The following PLA2G4C variants were observed in gnomAD, a reference collection of about 807,000 sequenced individuals.
The protein encoded by PLA2G4C is cytosolic phospholipase A2 gamma.
Under a neutral mutation model 73.8 loss-of-function variants are expected in PLA2G4C, and 64 were observed. The observed-to-expected ratio is 0.87, with a 90% confidence interval of 0.71 to 1.07. PLA2G4C has a LOEUF of 1.07. Among genes scored for constraint, PLA2G4C ranks in the 50% least tolerant of loss-of-function variants. PLA2G4C has a pLI of 0.00. For synonymous variants in PLA2G4C, 254 were observed against 252.1 expected (o/e 1.01, Z -0.07); for missense variants, 622 against 665.4 (o/e 0.93, Z 0.72).
chr19:48,066,377 C>T (rs1353369721), intron 13 of PLA2G4C, among the ~76,000 whole-genome samples: 2 of 152,134 alleles, frequency 1.3e-5, no homozygotes, highest in African/African-American at 4.8e-5. Context: ...AAACACTCAT[C>T]GCCATGATCC....
intron 11 of PLA2G4C, 138 bp from the exon 12 acceptor site, chr19:48,075,012 TC>T: frequency 3.5e-6 from 2 of 566,486 alleles, no homozygotes; most frequent in Non-Finnish European, 6.2e-6. Context: ...TGACCCTCTC[TC>T]CCCTTGCCTT....
chr19:48,097,994 C>T, intron 6 of PLA2G4C, 145 bp downstream of exon 6: 1 of 845,546 alleles, frequency 1.2e-6, no homozygotes, highest in Non-Finnish European at 1.8e-6. Flanking sequence ...CTTCTCTCGT[C>T]TAAGCTGAGC....
chr19:48,052,850 C>T, intron 16 of PLA2G4C, 147 bp downstream of exon 16: 1 of 764,572 alleles, frequency 1.3e-6, no homozygotes, highest in Admixed American at 2.7e-5. Context: ...CATGGTCTGT[C>T]CCCTGCTGAG....
At position 48,055,037 on chromosome 19, in the gene PLA2G4C, T is replaced by C. The variant is rs1448819908; in HGVS notation, c.1270A>G (p.Thr424Ala). 1 of 1,608,444 alleles carries C rather than the reference T, an allele frequency of 6.2e-7. No homozygotes were observed. Among genetic ancestry groups the C allele is most frequent in the East Asian group, 2.2e-5 (1 of 44,814 alleles). Residue 424 changes from threonine (T) to alanine (A), a missense_variant, in exon 15 of 17, where the codon ACC becomes GCC. By Grantham distance (58) the Thr-to-Ala change is moderately conservative. Coordinates refer to ENST00000599921, the MANE Select transcript of PLA2G4C (RefSeq NM_003706.3). ...TTGTGGCGGCGGCAGTAGTCAGTGG[T>C]AGCCCGGATGGTCTGAGAAGGAGGC... ...AGDPFETIRA[T>A]TDYCRRHKIP...
At chr19:48,050,513 C>A (rs1396729064) in intron 16 of PLA2G4C, among the ~76,000 whole-genome samples, 1 of 152,014 alleles carries the variant, frequency 6.6e-6, no homozygotes, top group Non-Finnish European at 1.5e-5. Flanking sequence ...AGCTACTTCC[C>A]TGCTCAAAAC....
At chr19:48,101,026 G>T (rs956317522) in intron 4 of PLA2G4C, among the ~76,000 whole-genome samples, 2 of 147,664 alleles carry the variant, frequency 1.4e-5, no homozygotes, top group African/African-American at 4.9e-5. Flanking sequence ...TCACAGTTCT[G>T]CAGGCTGTAC....
At chr19:48,074,709 G>T (rs547384851) in intron 12 of PLA2G4C, 58 bp downstream of exon 12, 6 of 1,157,760 alleles carry the variant, frequency 5.2e-6, no homozygotes, top group Non-Finnish European at 7.9e-6. Flanking sequence ...AGAGCAAGAG[G>T]GGGGAGAAGG....
At chr19:48,049,874 C>A (rs1031957072) in intron 16 of PLA2G4C, among the ~76,000 whole-genome samples, 8 of 152,138 alleles carry the variant, frequency 5.3e-5, no homozygotes, top group African/African-American at 1.9e-4. Context: ...GGACTTCCAG[C>A]CTCCAGAACT....
Position 48,105,938 on chromosome 19 carries a change from C to CTTTCTTT in PLA2G4C, c.9-495_9-494insAAAGAAA, listed in dbSNP as rs1251401429. Among the ~76,000 whole-genome samples the CTTTCTTT allele has an allele frequency of 8.2e-5, 3 of 36,694 alleles. 1 individual carries two copies. The highest frequency in any genetic ancestry group is 8.1e-4 in the Admixed American group (3 of 3,708). The allele number at this position is 36,694 out of a possible 152,430, so 24.1% of individuals were successfully genotyped here. On this transcript the variant is annotated intron_variant, in intron 2 of 16. Coordinates refer to ENST00000599921, the MANE Select transcript of PLA2G4C (RefSeq NM_003706.3). ...CCCTCCCTCCCTCCCTCCCTCCCTC[C>CTTTCTTT]CTCCCTCCCTTCTTTCTTTCTTTCT...
chr19:48,110,359 T>TAA (rs2032431193), intron 1 of PLA2G4C, 128 bp downstream of exon 1: 2 of 594,594 alleles, frequency 3.4e-6, no homozygotes, highest in Non-Finnish European at 5.1e-6. Flanking sequence ...AAAAAATAAA[T>TAA]AAATAAATAA....
intron 12 of PLA2G4C, 53 bp downstream of exon 12, chr19:48,074,714 A>T: frequency 8.2e-7 from 1 of 1,212,910 alleles, no homozygotes; most frequent in East Asian, 2.3e-5. Context: ...AAGAGGGGGG[A>T]GAAGGTTGGT....
intron 8 of PLA2G4C, among the ~76,000 whole-genome samples, chr19:48,089,289 C>A (rs1441299187): frequency 6.6e-6 from 1 of 152,018 alleles, no homozygotes; most frequent in African/African-American, 2.4e-5. Flanking sequence ...TAGCCAGGCA[C>A]GGTGGTGCGC....
At chr19:48,101,124 ATAT>A (rs1321340254) in intron 4 of PLA2G4C, among the ~76,000 whole-genome samples, 751 of 59,418 alleles carry the variant, frequency 0.013, 2 homozygotes, top group East Asian at 0.043. Flanking sequence ...ATATATATAT[ATAT>A]TTTTTTTTTT....
chr19:48,078,972 G>A (rs113164369), intron 10 of PLA2G4C, among the ~76,000 whole-genome samples: 6 of 151,160 alleles, frequency 4.0e-5, no homozygotes, highest in African/African-American at 1.5e-4. Flanking sequence ...AAGTTCAAGC[G>A]ATTCTCCTGT....
chr19:48,050,279 C>G (rs1053076328), intron 16 of PLA2G4C, among the ~76,000 whole-genome samples: 9 of 152,128 alleles, frequency 5.9e-5, no homozygotes, highest in Non-Finnish European at 1.0e-4. Context: ...CATTAGAAGA[C>G]AGATGAGCAG....
At chr19:48,097,778 T>C (rs2031676697) in intron 6 of PLA2G4C, 1 of 187,918 alleles carries the variant, frequency 5.3e-6, no homozygotes, top group Non-Finnish European at 1.1e-5. Context: ...TTTTGTTTTG[T>C]TTTGTTTTTT....
chr19:48,052,243 CAGAG>C (rs1967755355), intron 16 of PLA2G4C: 1 of 152,186 alleles, frequency 6.6e-6, no homozygotes, highest in African/African-American at 2.4e-5. Context: ...TTTCCTTTCA[CAGAG>C]ATATGGTTTG....
chr19:48,105,455 G>A lies in PLA2G4C; in HGVS notation c.9-11C>T. 2 of 1,598,578 alleles carry A rather than the reference G, an allele frequency of 1.3e-6. No individual in the cohort carries two copies. Among genetic ancestry groups the A allele is most frequent in the South Asian group, 1.1e-5 (1 of 90,310 alleles). ...ATGGAAACTTCAGAGCTTCCCAGGA[G>A]AAAACACAAAGAAGTCCAGAAAATT... is the stretch of plus-strand genomic sequence containing the variant. On this transcript the variant is annotated splice_polypyrimidine_tract_variant and intron_variant, in intron 2 of 16. Transcript: ENST00000599921.
chr19:48,095,401 G>T, intron 7 of PLA2G4C, 63 bp downstream of exon 7: 1 of 1,527,488 alleles, frequency 6.5e-7, no homozygotes, highest in Non-Finnish European at 9.0e-7. Flanking sequence ...CCCTCAGAAG[G>T]AAAATTCTTG....
Sources: allele counts gnomAD v4.1 joint callset (sites outside exome capture counted in the v4.1 genomes callset), GRCh38; gene constraint gnomAD v4.1.1; transcripts MANE v1.5; gene names NCBI Gene and HGNC (gene_info 2026-07-23, HGNC 2026-07-21).